Variants in NME7 observed in about 807,000 individuals in gnomAD.
The protein encoded by NME7 is nucleoside diphosphate kinase 7.
In NME7, 41 loss-of-function variants were observed where a neutral mutation model predicts 49.1. The observed-to-expected ratio is 0.83, with a 90% CI of 0.65 to 1.08. The LOEUF (loss-of-function observed/expected upper bound fraction) is 1.08, where lower values mean the gene tolerates loss of function less well. Among genes scored for constraint, NME7 ranks in the 50% least tolerant of loss-of-function variants. The pLI is 0.00. For synonymous variants in NME7, 139 were observed against 150.6 expected (o/e 0.92, Z 0.56); for missense variants, 423 against 463.4 (o/e 0.91, Z 0.80).
intron 10 of NME7, among the ~76,000 whole-genome samples, chr1:169,169,858 A>G (rs138985547): frequency 3.3e-5 from 5 of 152,320 alleles, no homozygotes; most frequent in African/African-American, 4.8e-5. Flanking sequence ...TTTAAAATGA[A>G]CCAATTTGAT....
chr1:169,346,062 C>A (rs1228677975), intron 1 of NME7, among the ~76,000 whole-genome samples: 5 of 152,128 alleles, frequency 3.3e-5, no homozygotes. Flanking sequence ...AGCCACTTTA[C>A]TACCTCCACT....
chr1:169,290,344 C>A (rs1402632403), intron 6 of NME7, among the ~76,000 whole-genome samples: 1 of 152,000 alleles, frequency 6.6e-6, no homozygotes, highest in Non-Finnish European at 1.5e-5. Flanking sequence ...AGAACAGAGG[C>A]CTCACAAGTA....
At chr1:169,191,086 A>C (rs1434868672) in intron 10 of NME7, among the ~76,000 whole-genome samples, 4 of 150,742 alleles carry the variant, frequency 2.7e-5, no homozygotes, top group Non-Finnish European at 5.9e-5. Context: ...TGCTGGGATT[A>C]CAGGCGTGAG....
intron 11 of NME7, among the ~76,000 whole-genome samples, chr1:169,163,108 T>C (rs1242887424): frequency 1.3e-5 from 2 of 152,120 alleles, no homozygotes; most frequent in Non-Finnish European, 2.9e-5. Flanking sequence ...TTCCCAAAGA[T>C]GTTTTTCAAC....
intron 11 of NME7, among the ~76,000 whole-genome samples, chr1:169,147,758 G>T (rs949302878): frequency 6.6e-6 from 1 of 152,138 alleles, no homozygotes; most frequent in East Asian, 1.9e-4. Context: ...TAAAAGTAAC[G>T]ACTATAGTAG....
At chr1:169,319,848 G>A (rs943107288) in intron 3 of NME7, among the ~76,000 whole-genome samples, 2 of 152,136 alleles carry the variant, frequency 1.3e-5, no homozygotes, top group African/African-American at 4.8e-5. Flanking sequence ...TTCTGGCTGA[G>A]ACTCAAAAGG....
chr1:169,208,306 G>C (rs1342782776), intron 10 of NME7, among the ~76,000 whole-genome samples: 1 of 152,094 alleles, frequency 6.6e-6, no homozygotes, highest in African/African-American at 2.4e-5. Context: ...CTAGTACTAA[G>C]AACTATTAAT....
chr1:169,303,189 T>G lies in NME7; in HGVS notation c.396A>C (p.Glu132Asp). The G allele has an allele frequency of 1.3e-6, 2 of 1,539,966 alleles. No homozygotes were observed. Among genetic ancestry groups the G allele is most frequent in the South Asian group, 2.4e-5 (2 of 82,350 alleles). Residue 132 changes from glutamate (E) to aspartate (D), a missense_variant, in exon 5 of 12, where the codon GAA (glutamate) becomes GAC (aspartate). Glu to Asp is a conservative substitution (Grantham distance 45). Coordinates refer to ENST00000367811, the MANE Select transcript of NME7 (RefSeq NM_013330.5). ...GGTGATCTACATGAAAATCCAATGC[T>G]TCTTTCCTATAAAATAATCAAAAAG... Reference protein sequence around the residue: ...KLKMMMLSRKEALDFHVDHQS... With the variant: ...KLKMMMLSRKDALDFHVDHQS...
chr1:169,343,512 A>G (rs1297272105), intron 1 of NME7, among the ~76,000 whole-genome samples: 14 of 145,206 alleles, frequency 9.6e-5, no homozygotes, highest in Non-Finnish European at 1.5e-5. Flanking sequence ...TTTTTTTGAG[A>G]TAGAGTTTCA....
chr1:169,201,565 G>A (rs1464931971), intron 10 of NME7, among the ~76,000 whole-genome samples: 1 of 152,166 alleles, frequency 6.6e-6, no homozygotes, highest in Non-Finnish European at 1.5e-5. Flanking sequence ...GAGATGGTGA[G>A]AAGGTATCTT....
chr1:169,303,108 C>G, intron 5 of NME7, 37 bp downstream of exon 5: 1 of 1,376,662 alleles, frequency 7.3e-7, no homozygotes, highest in South Asian at 1.2e-5. Context: ...AGGATATCCT[C>G]CTTTACATAC....
chr1:169,365,470 G>C (rs1455963279), intron 1 of NME7, among the ~76,000 whole-genome samples: 1 of 152,218 alleles, frequency 6.6e-6, no homozygotes. Flanking sequence ...AGAAGGAATT[G>C]CAAGTGCAAA....
At chr1:169,143,876 T>C (rs1380604508) in intron 11 of NME7, among the ~76,000 whole-genome samples, 2 of 152,160 alleles carry the variant, frequency 1.3e-5, no homozygotes, top group African/African-American at 4.8e-5. Flanking sequence ...GCAAATATTC[T>C]CAACAATTTT....
rs1026442949 is a variant in NME7 at position 169,132,636 on chromosome 1, T to C, written c.*149A>G. On this transcript the variant is annotated 3_prime_UTR_variant, in exon 12 of 12. Transcript: ENST00000367811. ...AGTGCAAAATCCATGTTCTAACATATGTAATAATTGCCAGGAGTACAGTGC... is the reference window on the plus strand; with the variant it reads ...AGTGCAAAATCCATGTTCTAACATACGTAATAATTGCCAGGAGTACAGTGC... The C allele has an allele frequency of 2.3e-5, 15 of 654,220 alleles. No homozygotes were observed. Among genetic ancestry groups the C allele is most frequent in the South Asian group, 1.3e-4 (6 of 45,350 alleles). 40.5% of individuals were successfully genotyped at this position (654,220 alleles called of 1,614,324 possible).
At chr1:169,152,964 ATT>A (rs59637629) in intron 11 of NME7, among the ~76,000 whole-genome samples, 1 of 150,262 alleles carries the variant, frequency 6.7e-6, no homozygotes, top group African/African-American at 2.4e-5. Context: ...CATCATGGTG[ATT>A]TTTTTTTTCT....
intron 10 of NME7, among the ~76,000 whole-genome samples, chr1:169,210,473 C>T (rs1332764528): frequency 1.3e-5 from 2 of 152,030 alleles, no homozygotes; most frequent in Non-Finnish European, 2.9e-5. Flanking sequence ...TGTGTTGGTG[C>T]CCCGTGGGGG....
intron 7 of NME7, among the ~76,000 whole-genome samples, chr1:169,278,592 A>T (rs1649854704): frequency 6.6e-6 from 1 of 151,986 alleles, no homozygotes; most frequent in Non-Finnish European, 1.5e-5. Flanking sequence ...ATTCGTCGAA[A>T]TTTTTTTCAA....
At chr1:169,200,324 G>A (rs910617657) in intron 10 of NME7, among the ~76,000 whole-genome samples, 1 of 152,124 alleles carries the variant, frequency 6.6e-6, no homozygotes, top group South Asian at 2.1e-4. Context: ...CCTCCAGGAA[G>A]AGGGTAGAGG....
At chr1:169,309,137 T>A (rs1651289612) in intron 4 of NME7, among the ~76,000 whole-genome samples, 1 of 152,208 alleles carries the variant, frequency 6.6e-6, no homozygotes, top group Non-Finnish European at 1.5e-5. Context: ...CATGCATAAT[T>A]TGACAACTCC....
Sources: allele counts gnomAD v4.1 joint callset (sites outside exome capture counted in the v4.1 genomes callset), GRCh38; gene constraint gnomAD v4.1.1; transcripts MANE v1.5; gene names NCBI Gene and HGNC (gene_info 2026-07-23, HGNC 2026-07-21).